The following CHD7 variants were observed in gnomAD, a reference collection of about 807,000 sequenced individuals.
The protein encoded by CHD7 is chromodomain helicase DNA binding protein 7.
In CHD7, 24 loss-of-function variants were observed where a neutral mutation model predicts 307.3. The ratio of observed to expected loss-of-function variants is 0.08; its 90% CI spans 0.06 to 0.11. CHD7 has a LOEUF of 0.11. CHD7 is among the 10% of genes least tolerant of loss of function. The pLI is 1.00. For missense variants in CHD7, 3,106 were observed against 3,727.1 expected, an observed-to-expected ratio of 0.83 and a Z score of 4.34; for synonymous variants, 1,363 against 1,349.9, an observed-to-expected ratio of 1.01 and a Z score of -0.21.
chr8:60,714,125 G>A (rs1361825959), intron 1 of CHD7, among the ~76,000 whole-genome samples: 1 of 152,018 alleles, frequency 6.6e-6, no homozygotes, highest in African/African-American at 2.4e-5. Flanking sequence ...GCGCTTCCGG[G>A]ATGGGTCAGC....
At chr8:60,780,918 A>T in intron 2 of CHD7, 82 bp from the exon 3 acceptor site, 2 of 1,405,136 alleles carry the variant, frequency 1.4e-6, no homozygotes, top group Non-Finnish European at 1.9e-6. Context: ...TAAGTTTCAG[A>T]AACATCAGCC....
At chr8:60,841,380 G>A (rs766181734) in intron 19 of CHD7, among the ~76,000 whole-genome samples, 4 of 152,138 alleles carry the variant, frequency 2.6e-5, no homozygotes, top group African/African-American at 4.8e-5. Flanking sequence ...CAGGTTAGGG[G>A]CCCCTCCTCT....
In CHD7 at chr8:60,865,261, C is replaced by G. The variant is rs376063472; in HGVS notation, c.8322C>G (p.Gly2774=). 4.5e-5 allele frequency: 73 copies of G among 1,607,180 alleles called. No homozygotes were observed. Among genetic ancestry groups the G allele is most frequent in the Non-Finnish European group, 5.3e-5 (62 of 1,176,986 alleles). ...CGCTCCAGCTGGCAGGCCTCATGGGCTTCCCTCCAGGACTGGCAACAGCTG... is the reference window on the plus strand; with the variant it reads ...CGCTCCAGCTGGCAGGCCTCATGGGGTTCCCTCCAGGACTGGCAACAGCTG... The part of the protein sequence containing the change: ...LQSLQLAGLM[G]FPPGLATAAT... Residue 2774 remains glycine (G), a synonymous_variant, in exon 38 of 38, where the codon GGC becomes GGG. Coordinates refer to ENST00000423902, the MANE Select transcript of CHD7 (RefSeq NM_017780.4). This position sits in a 1 kb window ranked among gnomAD's most constrained non-coding sequence, Gnocchi z 4.3.
intron 34 of CHD7, among the ~76,000 whole-genome samples, chr8:60,860,232 T>C (rs1805906628): frequency 6.6e-6 from 1 of 152,210 alleles, no homozygotes; most frequent in African/African-American, 2.4e-5. Context: ...GTATAAATTA[T>C]CTTTAATATC....
intron 9 of CHD7, among the ~76,000 whole-genome samples, chr8:60,821,189 A>G (rs1185286821): frequency 2.0e-5 from 3 of 152,214 alleles, no homozygotes; most frequent in South Asian, 2.1e-4. Context: ...ACATTGAAAT[A>G]TGCTAAGATG....
chr8:60,726,205 T>C (rs1042622790), intron 1 of CHD7, among the ~76,000 whole-genome samples: 7 of 152,246 alleles, frequency 4.6e-5, no homozygotes, highest in Admixed American at 1.3e-4. Context: ...ATTTGGAATA[T>C]TTTTCTTTCA....
intron 1 of CHD7, among the ~76,000 whole-genome samples, chr8:60,722,524 TTGG>T (rs1807961027): frequency 1.3e-5 from 2 of 152,240 alleles, no homozygotes; most frequent in South Asian, 4.1e-4. Context: ...CCAAAGAGCT[TTGG>T]TTTATGTTGG....
chr8:60,742,758 C>A lies in CHD7; in HGVS notation c.1326C>A (p.Ala442=), dbSNP rs370097651. The A allele has an allele frequency of 1.4e-4, 231 of 1,613,928 alleles. No individual in the cohort carries two copies. The highest frequency in any genetic ancestry group is 3.7e-4 in the Admixed American group (22 of 60,014). The change falls in exon 2 of 38, where the codon GCC becomes GCA. Residue 442 remains alanine (A), a synonymous_variant. Transcript: ENST00000423902. ...AGCCATCTCACCAGCCCCCTGGTGC[C>A]ATGGGAATCGGACAGAGGAATATGG... ...HPQPSHQPPG[A]MGIGQRNMGP... is the part of the protein sequence containing the mutation.
chr8:60,865,322 G>C lies in CHD7; in HGVS notation c.8383G>C (p.Val2795Leu), dbSNP rs553548797. Residue 2795 changes from valine to leucine, a missense_variant, in exon 38 of 38, where the codon GTG (valine) becomes CTG (leucine). Physicochemically the swap from Val to Leu is conservative, Grantham distance 32. Around this residue, in one of 10 missense-constraint regions of CHD7, gnomAD observed 351 missense variants for 366.2 expected, o/e 0.96. Transcript: ENST00000423902. This position sits in a 1 kb window ranked among gnomAD's most constrained non-coding sequence, Gnocchi z 4.3. ...AGGDAKNPAA[V>L]LPLMLPGMAG... ...AGGCGATGCGAAGAACCCTGCTGCT[G>C]TGCTGCCCCTGATGCTGCCAGGAAT... 1.9e-6 allele frequency: 3 copies of C among 1,611,950 alleles called. No homozygotes were observed. The highest frequency in any genetic ancestry group is 2.5e-6 in the Non-Finnish European group (3 of 1,179,292).
chr8:60,830,482 T>G lies in CHD7; in HGVS notation c.3683T>G (p.Phe1228Cys). The change falls in exon 15 of 38, where the codon TTT (phenylalanine) becomes TGT (cysteine). Residue 1228 changes from phenylalanine to cysteine, a missense_variant. Around this residue, in one of 10 missense-constraint regions of CHD7, gnomAD observed 232 missense variants for 422.5 expected, o/e 0.55. Coordinates refer to ENST00000423902, the MANE Select transcript of CHD7 (RefSeq NM_017780.4). ...YRAILEKNFTFLSKGGGQANV... is the reference protein window; with the variant it reads ...YRAILEKNFTCLSKGGGQANV... ...GCCATCCTTGAGAAGAATTTCACAT[T>G]TCTTTCCAAAGGCGGTGGTCAAGCT... The G allele has an allele frequency of 6.2e-7, 1 of 1,614,030 alleles. No homozygotes were observed. Among genetic ancestry groups the G allele is most frequent in the Non-Finnish European group, 8.5e-7 (1 of 1,179,880 alleles).
chr8:60,841,047 G>A (rs1188629086), intron 19 of CHD7, among the ~76,000 whole-genome samples: 1 of 152,200 alleles, frequency 6.6e-6, no homozygotes, highest in Non-Finnish European at 1.5e-5. Flanking sequence ...TCCAACTTGT[G>A]ACTCTGGTTA....
intron 7 of CHD7, among the ~76,000 whole-genome samples, chr8:60,813,649 A>C (rs1812914253): frequency 6.6e-6 from 1 of 152,090 alleles, no homozygotes; most frequent in Non-Finnish European, 1.5e-5. Context: ...CAATAGAAAT[A>C]ATTGTGTGAT....
chr8:60,807,925 C>T (rs1218985533), intron 6 of CHD7, among the ~76,000 whole-genome samples: 1 of 152,180 alleles, frequency 6.6e-6, no homozygotes, highest in Non-Finnish European at 1.5e-5. Flanking sequence ...TGGCAGAAGG[C>T]CAAATTTGGG....
chr8:60,787,908 A>G (rs563593966), intron 3 of CHD7, among the ~76,000 whole-genome samples: 268 of 149,132 alleles, frequency 1.8e-3, no homozygotes, highest in African/African-American at 6.2e-3. Flanking sequence ...GGCTCACTGC[A>G]ACCTCAGGTT....
intron 2 of CHD7, among the ~76,000 whole-genome samples, chr8:60,750,445 C>T (rs958480093): frequency 1.3e-5 from 2 of 152,260 alleles, no homozygotes; most frequent in African/African-American, 4.8e-5. Flanking sequence ...TTCTGGCTGT[C>T]CTATCTTTGT....
intron 21 of CHD7, among the ~76,000 whole-genome samples, 176 bp downstream of exon 21, chr8:60,842,228 A>G (rs1218618643): frequency 6.6e-6 from 1 of 152,200 alleles, no homozygotes; most frequent in Non-Finnish European, 1.5e-5. Context: ...AACATAATCT[A>G]AGTTGTTCAG....
intron 14 of CHD7, among the ~76,000 whole-genome samples, chr8:60,829,150 T>G (rs1013142403): frequency 6.6e-6 from 1 of 152,228 alleles, no homozygotes; most frequent in Admixed American, 6.5e-5. Flanking sequence ...TTGGTAGGCC[T>G]GTTTGCCTGC....
At position 60,830,431 on chromosome 8, in the gene CHD7, C is replaced by T; in HGVS notation, c.3632C>T (p.Thr1211Ile). 6.2e-7 allele frequency: 1 copy of T among 1,613,926 alleles called. No individual in the cohort carries two copies. The highest frequency in any genetic ancestry group is 8.5e-7 in the Non-Finnish European group (1 of 1,179,862). ...GAAACTATTATTGAAGTTGAGCTAA[C>T]AAACATTCAGAAGAAATATTACCGA... Reference protein sequence around the residue: ...KEETIIEVELTNIQKKYYRAI... With the variant: ...KEETIIEVELINIQKKYYRAI... Residue 1211 changes from threonine to isoleucine, a missense_variant, in exon 15 of 38, where the codon ACA becomes ATA. Physicochemically the swap from Thr to Ile is moderately conservative, Grantham distance 89. This residue lies in a region of CHD7 where 232 missense variants were observed against 422.5 expected (regional missense o/e 0.55). Coordinates refer to ENST00000423902, the MANE Select transcript of CHD7 (RefSeq NM_017780.4).
intron 34 of CHD7, 83 bp from the exon 35 acceptor site, chr8:60,860,821 T>C: frequency 1.0e-6 from 1 of 985,488 alleles, no homozygotes; most frequent in Non-Finnish European, 1.5e-6. Context: ...AGATCCATTC[T>C]AGGATAGCGT....
Sources: allele counts gnomAD v4.1 joint callset (sites outside exome capture counted in the v4.1 genomes callset), GRCh38; gene constraint gnomAD v4.1.1; regional missense constraint gnomAD v4.1.1; non-coding constraint Gnocchi (gnomAD v3.1); transcripts MANE v1.5; gene names NCBI Gene and HGNC (gene_info 2026-07-23, HGNC 2026-07-21).